MGAT4C: variants seen among roughly 807,000 people sequenced by gnomAD.
The protein encoded by MGAT4C is alpha-1,3-mannosyl-glycoprotein 4-beta-N-acetylglucosaminyltransferase C.
MGAT4C carries 19 observed loss-of-function variants against 40.1 expected under a neutral mutation model. The ratio of observed to expected loss-of-function variants is 0.47; its 90% CI spans 0.33 to 0.70. The LOEUF is 0.70. Ranked by LOEUF, MGAT4C falls within the 30% of genes least tolerant of loss-of-function variation. The pLI, the probability that MGAT4C is intolerant of heterozygous loss-of-function variation, is 0.02. For synonymous variants in MGAT4C, 181 were observed against 187.1 expected (o/e 0.97, Z 0.27); for missense variants, 491 against 563.2 (o/e 0.87, Z 1.30).
chr12:86,101,285 CAT>C lies in MGAT4C; in HGVS notation c.-56-51564_-56-51563del, dbSNP rs747811885. On this transcript the variant is annotated intron_variant, in intron 1 of 4. Coordinates refer to ENST00000611864, the MANE Select transcript of MGAT4C (RefSeq NM_001351288.2). ...ATTTTGGAACATCAATGAAAGAACTCATGTGAACATTCATAATTTACTGTGAC... is the reference window on the plus strand; with the variant it reads ...ATTTTGGAACATCAATGAAAGAACTCGTGAACATTCATAATTTACTGTGAC... Among the ~76,000 whole-genome samples the C allele has an allele frequency of 6.6e-5, 10 of 151,818 alleles. No individual in the cohort carries two copies. In the South Asian group the frequency reaches 1.0e-3, roughly 16 times the overall value.
intron 2 of MGAT4C, among the ~76,000 whole-genome samples, chr12:86,585,608 T>G (rs1960985824): frequency 6.6e-6 from 1 of 151,486 alleles, no homozygotes; most frequent in Admixed American, 6.6e-5. Context: ...GTTCTCAGCC[T>G]TTTTGGCTTC....
At chr12:86,560,943 T>G (rs1382507833) in intron 2 of MGAT4C, among the ~76,000 whole-genome samples, 1 of 152,106 alleles carries the variant, frequency 6.6e-6, no homozygotes, top group Non-Finnish European at 1.5e-5. Context: ...GATCAGTGAA[T>G]ACAGTAAAGT....
intron 1 of MGAT4C, among the ~76,000 whole-genome samples, chr12:86,207,809 A>T (rs1051753240): frequency 6.6e-6 from 1 of 152,204 alleles, no homozygotes; most frequent in Non-Finnish European, 1.5e-5. Context: ...GAAAATGAAG[A>T]ATTAATGAAC....
At chr12:86,731,075 T>C (rs1020250929) in intron 1 of MGAT4C, among the ~76,000 whole-genome samples, 1 of 152,144 alleles carries the variant, frequency 6.6e-6, no homozygotes, top group African/African-American at 2.4e-5. Context: ...GTTCTTTTGA[T>C]TCCTGTGTAG....
intron 1 of MGAT4C, among the ~76,000 whole-genome samples, chr12:86,830,322 A>G (rs1269216372): frequency 6.6e-6 from 1 of 150,706 alleles, no homozygotes; most frequent in East Asian, 2.0e-4. Context: ...CCCATTTTTA[A>G]TTTCTATCTG....
intron 2 of MGAT4C, among the ~76,000 whole-genome samples, chr12:86,494,048 T>C (rs1446250292): frequency 6.6e-6 from 1 of 152,066 alleles, no homozygotes; most frequent in African/African-American, 2.4e-5. Flanking sequence ...TAATTTTGTA[T>C]AGCCATGTAA....
chr12:86,003,838 G>A (rs528400977), intron 2 of MGAT4C, among the ~76,000 whole-genome samples: 2 of 152,104 alleles, frequency 1.3e-5, no homozygotes, highest in South Asian at 4.1e-4. Context: ...GAAAATGCCA[G>A]TTTTCTTGGA....
intron 1 of MGAT4C, among the ~76,000 whole-genome samples, chr12:86,115,834 A>G (rs1432541805): frequency 6.6e-6 from 1 of 152,038 alleles, no homozygotes; most frequent in African/African-American, 2.4e-5. Context: ...CTACCTTGTG[A>G]TAGGATTTAA....
intron 1 of MGAT4C, among the ~76,000 whole-genome samples, chr12:86,779,110 A>G (rs916586253): frequency 4.6e-5 from 7 of 152,056 alleles, no homozygotes; most frequent in African/African-American, 1.2e-4. Flanking sequence ...GCTGTCAGGA[A>G]TTACAATGTA....
intron 1 of MGAT4C, among the ~76,000 whole-genome samples, chr12:86,194,458 T>C (rs1949718190): frequency 6.8e-6 from 1 of 146,722 alleles, no homozygotes; most frequent in South Asian, 2.1e-4. Flanking sequence ...GCAAATCAAT[T>C]TTTTTTTTTT....
chr12:86,032,286 T>C (rs1890830667), intron 2 of MGAT4C, among the ~76,000 whole-genome samples: 1 of 152,012 alleles, frequency 6.6e-6, no homozygotes, highest in Non-Finnish European at 1.5e-5. Context: ...AATAATAGGA[T>C]TGCTGGGTTG....
chr12:86,556,285 A>T (rs1959606662), intron 2 of MGAT4C, among the ~76,000 whole-genome samples: 1 of 152,210 alleles, frequency 6.6e-6, no homozygotes, highest in South Asian at 2.1e-4. Context: ...CAAGAATAAA[A>T]CTTAATATTT....
chr12:86,363,388 G>T (rs1168466212), intron 3 of MGAT4C, among the ~76,000 whole-genome samples: 1 of 151,916 alleles, frequency 6.6e-6, no homozygotes, highest in Non-Finnish European at 1.5e-5. Context: ...AGAAGTTTCA[G>T]GACAAATTAG....
At chr12:86,262,715 A>G (rs1456379700) in intron 4 of MGAT4C, among the ~76,000 whole-genome samples, 2 of 152,104 alleles carry the variant, frequency 1.3e-5, no homozygotes, top group Non-Finnish European at 2.9e-5. Context: ...CTTTGGCATG[A>G]AATTGGAATT....
At chr12:86,564,005 C>T (rs1959980086) in intron 2 of MGAT4C, among the ~76,000 whole-genome samples, 1 of 152,158 alleles carries the variant, frequency 6.6e-6, no homozygotes, top group Non-Finnish European at 1.5e-5. Flanking sequence ...AGAGCTGCCT[C>T]TACCTAGAAA....
intron 2 of MGAT4C, among the ~76,000 whole-genome samples, chr12:86,709,421 G>A (rs1017853691): frequency 5.3e-5 from 8 of 151,948 alleles, no homozygotes; most frequent in Admixed American, 2.0e-4. Flanking sequence ...TGTATTTCTA[G>A]CATTTATGTA....
intron 2 of MGAT4C, among the ~76,000 whole-genome samples, chr12:86,470,351 A>G (rs1957741316): frequency 6.6e-6 from 1 of 152,108 alleles, no homozygotes; most frequent in Admixed American, 6.6e-5. Flanking sequence ...AAATGAAAAT[A>G]TGAGGACTGA....
At chr12:86,714,650 T>C (rs1414269723) in intron 2 of MGAT4C, among the ~76,000 whole-genome samples, 1 of 152,074 alleles carries the variant, frequency 6.6e-6, no homozygotes, top group Non-Finnish European at 1.5e-5. Flanking sequence ...TTCCCAGCCA[T>C]GCAGAACTGT....
intron 3 of MGAT4C, among the ~76,000 whole-genome samples, chr12:86,356,405 G>A (rs61950746): frequency 0.085 from 12,892 of 152,244 alleles, 758 homozygotes; most frequent in Middle Eastern, 0.22. Context: ...CTCTCAGTGT[G>A]AGCAATGCAG....
Sources: allele counts gnomAD v4.1 joint callset (sites outside exome capture counted in the v4.1 genomes callset), GRCh38; gene constraint gnomAD v4.1.1; transcripts MANE v1.5; gene names NCBI Gene and HGNC (gene_info 2026-07-23, HGNC 2026-07-21).